The following GATD1 variants were observed in gnomAD, a reference collection of about 807,000 sequenced individuals.
The protein encoded by GATD1 is glutamine amidotransferase class 1 domain containing 1.
GATD1 carries 23 observed loss-of-function variants against 25.9 expected under a neutral mutation model. The ratio of observed to expected loss-of-function variants is 0.89; its 90% CI spans 0.64 to 1.26. GATD1 has a LOEUF of 1.26. Among genes scored for constraint, GATD1 ranks in the 50% most tolerant of loss-of-function variants. The pLI, the probability that GATD1 is intolerant of heterozygous loss-of-function variation, is 0.00. For missense variants in GATD1, 347 were observed against 312.5 expected (o/e 1.11, Z -0.83); for synonymous variants, 177 against 134.6 (o/e 1.31, Z -2.18).
rs1863543050 is a variant in GATD1 at position 772,438 on chromosome 11, T to A, written c.439A>T (p.Ser147Cys). ...EDRSWVFDSY[S>C]LTGPSVCELV... ...CTCCAGACACTCACCCCTGTCAGGC[T>A]GTAGCTGTCGAACACCCAGGATCTG... is the stretch of plus-strand genomic sequence containing the variant. The change falls in exon 5 of 8, where the codon AGC becomes TGC. Residue 147 changes from serine to cysteine, a missense_variant. Coordinates refer to ENST00000319863, the MANE Select transcript of GATD1 (RefSeq NM_182612.4). 1 of 1,613,436 alleles carries A rather than the reference T, an allele frequency of 6.2e-7. No homozygotes were observed. Among genetic ancestry groups the A allele is most frequent in the African/African-American group, 1.3e-5 (1 of 75,060 alleles).
chr11:774,421 T>TCC (rs1416094698), intron 2 of GATD1, among the ~76,000 whole-genome samples: 3 of 152,210 alleles, frequency 2.0e-5, no homozygotes, highest in Non-Finnish European at 4.4e-5. Context: ...TATCCCTGGG[T>TCC]CCCCCACGAT....
chr11:769,331 T>G lies in GATD1; in HGVS notation c.*1566A>C, dbSNP rs1002100898. ...ATTGAACGGCTTTATTTTATTATTT[T>G]TTATTTTTGAGACGGAGTTTCACTC... On this transcript the variant is annotated 3_prime_UTR_variant, in exon 8 of 8. Transcript: ENST00000319863. 1 of 979,950 alleles carries G rather than the reference T, an allele frequency of 1.0e-6. No homozygotes were observed. Among genetic ancestry groups the G allele is most frequent in the Admixed American group, 6.2e-5 (1 of 16,226 alleles). 60.7% of individuals were successfully genotyped at this position (979,950 alleles called of 1,614,324 possible).
chr11:777,426 G>C lies in GATD1; in HGVS notation c.37C>G (p.Leu13Val). ...TCGGCGGCGCCGCTGGCCACGAGCA[G>C]ACAGGCGGGCCTGTTAGGGAGCCGC... ...SERLPNRPAC[L>V]LVASGAAEGV... The change falls in exon 1 of 8, where the codon CTG becomes GTG. Residue 13 changes from leucine to valine, a missense_variant. Coordinates refer to ENST00000319863, the MANE Select transcript of GATD1 (RefSeq NM_182612.4). The C allele has an allele frequency of 7.8e-7, 1 of 1,287,844 alleles. No homozygotes were observed. The highest frequency in any genetic ancestry group is 9.8e-7 in the Non-Finnish European group (1 of 1,016,778). The allele number at this position is 1,287,844 out of a possible 1,614,324, so 79.8% of individuals were successfully genotyped here.
intron 5 of GATD1, 78 bp from the exon 6 acceptor site, chr11:771,504 G>C (rs1202962808): frequency 4.1e-6 from 6 of 1,453,272 alleles, no homozygotes; most frequent in East Asian, 2.4e-5. Flanking sequence ...GGTCAAGTCA[G>C]GGCAGGGAGC....
Position 777,079 on chromosome 11 carries a change from T to C in GATD1, c.64+320A>G, listed in dbSNP as rs537055597. The C allele has an allele frequency of 1.7e-3, 372 of 222,708 alleles. 2 individuals are homozygous for C. Among genetic ancestry groups the C allele is most frequent in the Middle Eastern group, 0.011 (8 of 708 alleles). 13.8% of individuals were successfully genotyped at this position (222,708 alleles called of 1,614,324 possible). A position where few individuals can be genotyped will look rare whatever the true frequency, so the allele number is the denominator to read the frequency against. The stretch of plus-strand genomic sequence containing the variant: ...GGCCCAGGCACGCGGCTCCCTCCGC[T>C]AGAAACGTCGGGCCCGGGCCGCCTC... On this transcript the variant is annotated intron_variant, in intron 1 of 7. Transcript: ENST00000319863.
rs879797621 is a variant in GATD1, at chr11:770,854, G to T, written c.*43C>A. On this transcript the variant is annotated 3_prime_UTR_variant, in exon 8 of 8. Transcript: ENST00000319863. ...GAAGCCTGAGACGGGGCTGCCTCTGGAGACACCTGGGCTGTCTCAGGGGGT... is the reference window on the plus strand; with the variant it reads ...GAAGCCTGAGACGGGGCTGCCTCTGTAGACACCTGGGCTGTCTCAGGGGGT... The T allele has an allele frequency of 2.5e-6, 4 of 1,573,546 alleles. No individual in the cohort carries two copies.
Position 767,563 on chromosome 11 carries a change from T to G in GATD1, c.*3334A>C. 1 of 1,417,348 alleles carries G rather than the reference T, an allele frequency of 7.1e-7. No individual in the cohort carries two copies. Among genetic ancestry groups the G allele is most frequent in the Non-Finnish European group, 9.2e-7 (1 of 1,091,068 alleles). 87.8% of individuals were successfully genotyped at this position (1,417,348 alleles called of 1,614,324 possible). On this transcript the variant is annotated 3_prime_UTR_variant, in exon 8 of 8. Transcript: ENST00000319863. Reference sequence around the variant, plus strand: ...CTTCAATGCTGGGCTCAATGTCAGATCTGGCTGACCAGAGGGGCTCAATGA... The same window carrying G: ...CTTCAATGCTGGGCTCAATGTCAGAGCTGGCTGACCAGAGGGGCTCAATGA...
In GATD1 at chr11:767,292, A is replaced by G; in HGVS notation, c.*3605T>C. On this transcript the variant is annotated 3_prime_UTR_variant, in exon 8 of 8. Transcript: ENST00000319863. ...CACACTGGTATATGGGGAAATCCTC[A>G]CCCGCCCTCCGCTGCTCTTCTGGAG... The G allele has an allele frequency of 6.5e-7, 1 of 1,535,922 alleles. No individual in the cohort carries two copies. Among genetic ancestry groups the G allele is most frequent in the South Asian group, 1.2e-5 (1 of 84,046 alleles).
At chr11:776,144 A>G (rs1320401294) in intron 1 of GATD1, among the ~76,000 whole-genome samples, 1 of 151,650 alleles carries the variant, frequency 6.6e-6, no homozygotes, top group Non-Finnish European at 1.5e-5. Flanking sequence ...CACCACGCCC[A>G]GCTAATTTTT....
At chr11:776,037 C>T (rs1863939126) in intron 1 of GATD1, among the ~76,000 whole-genome samples, 2 of 117,500 alleles carry the variant, frequency 1.7e-5, no homozygotes, top group East Asian at 2.7e-4. Flanking sequence ...GGCTGGAGTG[C>T]AGTGGTGCGA....
intron 1 of GATD1, among the ~76,000 whole-genome samples, chr11:776,408 T>C (rs1863986130): frequency 6.6e-6 from 1 of 152,088 alleles, no homozygotes; most frequent in African/African-American, 2.4e-5. Flanking sequence ...CCTCCTGAAG[T>C]GCTGCCCCCA....
At position 777,415 on chromosome 11, in the gene GATD1, G is replaced by C; in HGVS notation, c.48C>G (p.Ala16=). Residue 16 remains alanine, a synonymous_variant, in exon 1 of 8, where the codon GCC becomes GCG. Transcript: ENST00000319863. Reference sequence around the variant, plus strand: ...GGGCCTCACCTTCGGCGGCGCCGCTGGCCACGAGCAGACAGGCGGGCCTGT... The same window carrying C: ...GGGCCTCACCTTCGGCGGCGCCGCTCGCCACGAGCAGACAGGCGGGCCTGT... ...LPNRPACLLV[A]SGAAEGVSAQ... The C allele has an allele frequency of 7.7e-7, 1 of 1,294,570 alleles. No homozygotes were observed. Among genetic ancestry groups the C allele is most frequent in the South Asian group, 2.1e-5 (1 of 46,994 alleles). 80.2% of individuals were successfully genotyped at this position (1,294,570 alleles called of 1,614,324 possible).
rs949613699 is a variant in GATD1, at chr11:777,453, C to A, written c.10G>T (p.Glu4Ter). The A allele has an allele frequency of 8.0e-6, 10 of 1,249,896 alleles. No individual in the cohort carries two copies. Among genetic ancestry groups the A allele is most frequent in the East Asian group, 3.4e-5 (1 of 29,388 alleles). 77.4% of individuals were successfully genotyped at this position (1,249,896 alleles called of 1,614,324 possible). The change falls in exon 1 of 8, where the codon GAG becomes TAG. Residue 4 changes from glutamate to a stop codon, truncating the protein, a stop_gained. Coordinates refer to ENST00000319863, the MANE Select transcript of GATD1 (RefSeq NM_182612.4). LOFTEE classifies it high-confidence loss of function. The part of the protein sequence containing the change: MAS[E>*]RLPNRPACLL... Reference sequence around the variant, plus strand: ...CAGGCGGGCCTGTTAGGGAGCCGCTCGGACGCCATGGCTCGGGCTCGGCGC... The same window carrying A: ...CAGGCGGGCCTGTTAGGGAGCCGCTAGGACGCCATGGCTCGGGCTCGGCGC...
Position 767,773 on chromosome 11 carries a change from G to A in GATD1, c.*3124C>T. On this transcript the variant is annotated 3_prime_UTR_variant, in exon 8 of 8. Coordinates refer to ENST00000319863, the MANE Select transcript of GATD1 (RefSeq NM_182612.4). ...CTCACAAAAGAGGTTGCATCTACTG[G>A]TGCTTTCATCTTGGGCTTCCAGCCT... 3.5e-6 allele frequency: 1 copy of A among 285,230 alleles called. No homozygotes were observed. Among genetic ancestry groups the A allele is most frequent in the Non-Finnish European group, 5.5e-6 (1 of 181,660 alleles). The allele number at this position is 285,230 out of a possible 1,614,324, so 17.7% of individuals were successfully genotyped here. A position where few individuals can be genotyped will look rare whatever the true frequency, so the allele number is the denominator to read the frequency against.
Position 774,129 on chromosome 11 carries a change from C to T in GATD1, c.142-16G>A. On this transcript the variant is annotated splice_polypyrimidine_tract_variant and intron_variant, in intron 2 of 7. Coordinates refer to ENST00000319863, the MANE Select transcript of GATD1 (RefSeq NM_182612.4). ...TGGCTTTCCCCTGGAGAAGCAGAGC[C>T]CAGGGGCCGAGGGTCAGCACCAGGG... 1 of 1,608,654 alleles carries T rather than the reference C, an allele frequency of 6.2e-7. No homozygotes were observed.
In GATD1 at chr11:774,039, G is replaced by C; in HGVS notation, c.216C>G (p.Tyr72Ter). The change falls in exon 3 of 8, where the codon TAC (tyrosine) becomes TAG (stop). Residue 72 changes from tyrosine to a stop codon, truncating the protein, a stop_gained. Coordinates refer to ENST00000319863, the MANE Select transcript of GATD1 (RefSeq NM_182612.4). LOFTEE classifies it high-confidence loss of function. ...RWVQDFRLKA[Y>*]ASPAKLESID... is the part of the protein sequence containing the mutation. ...TGGACTCGAGCTTGGCGGGGCTGGC[G>C]TAAGCCTTGAGGCGGAAGTCTTGCA... 2 of 1,613,606 alleles carry C rather than the reference G, an allele frequency of 1.2e-6. No individual in the cohort carries two copies. Among genetic ancestry groups the C allele is most frequent in the Non-Finnish European group, 1.7e-6 (2 of 1,179,980 alleles).
At position 770,177 on chromosome 11, in the gene GATD1, T is replaced by C. The variant is rs532247717; in HGVS notation, c.*720A>G. 8.4e-4 allele frequency: 1,070 copies of C among 1,277,930 alleles called. No homozygotes were observed. The highest frequency in any genetic ancestry group is 9.8e-4 in the Non-Finnish European group (992 of 1,010,150). 79.2% of individuals were successfully genotyped at this position (1,277,930 alleles called of 1,614,324 possible). A position where few individuals can be genotyped will look rare whatever the true frequency, so the allele number is the denominator to read the frequency against. ...AGGCTGGACCACTGTCTGCTCTTGATAGCCGCTCTACCCGAGGCCACTGTG... is the reference window on the plus strand; with the variant it reads ...AGGCTGGACCACTGTCTGCTCTTGACAGCCGCTCTACCCGAGGCCACTGTG... On this transcript the variant is annotated 3_prime_UTR_variant, in exon 8 of 8. Transcript: ENST00000319863.
At position 770,444 on chromosome 11, in the gene GATD1, C is replaced by T. The variant is rs201340135; in HGVS notation, c.*453G>A. The T allele has an allele frequency of 1.8e-4, 267 of 1,484,482 alleles. No homozygotes were observed. The East Asian group carries it at 4.1e-3, about 23-fold the overall frequency. The allele number at this position is 1,484,482 out of a possible 1,614,324, so 92.0% of individuals were successfully genotyped here. A position where few individuals can be genotyped will look rare whatever the true frequency, so the allele number is the denominator to read the frequency against. ...TTGGCCAAAGTTCTGAGCCAGCTCC[C>T]GCCGGCTGGGCCCTCCCCTCAAGGC... is the stretch of plus-strand genomic sequence containing the variant. On this transcript the variant is annotated 3_prime_UTR_variant, in exon 8 of 8. Coordinates refer to ENST00000319863, the MANE Select transcript of GATD1 (RefSeq NM_182612.4).
chr11:772,516 T>A lies in GATD1; in HGVS notation c.361A>T (p.Ile121Phe). ...GCGACACCGTGGCCGACGGCGCAGA[T>A]GGGTTCTGAAAGCCGTACATGGCGT... ...LQHFHSESKP[I>F]CAVGHGVAAL... The change falls in exon 5 of 8, where the codon ATC (isoleucine) becomes TTC (phenylalanine). Residue 121 changes from isoleucine to phenylalanine, a missense_variant. Ile to Phe is a conservative substitution (Grantham distance 21, BLOSUM62 0). Transcript: ENST00000319863. The A allele has an allele frequency of 6.2e-7, 1 of 1,610,890 alleles. No individual in the cohort carries two copies. Among genetic ancestry groups the A allele is most frequent in the Non-Finnish European group, 8.5e-7 (1 of 1,179,890 alleles).
Sources: allele counts gnomAD v4.1 joint callset (sites outside exome capture counted in the v4.1 genomes callset), GRCh38; gene constraint gnomAD v4.1.1; transcripts MANE v1.5; gene names NCBI Gene and HGNC (gene_info 2026-07-23, HGNC 2026-07-21).